The following DMXL2 variants were observed in gnomAD, a reference collection of about 807,000 sequenced individuals.
The protein encoded by DMXL2 is dmX-like protein 2.
A neutral mutation model predicts 331.1 loss-of-function variants in DMXL2; 103 were observed. The ratio of observed to expected loss-of-function variants is 0.31; its 90% CI spans 0.27 to 0.37. The LOEUF is 0.37. DMXL2 is among the 10% of genes least tolerant of loss of function. The pLI is 1.00. For missense variants in DMXL2, 3,171 were observed against 3,642.9 expected (o/e 0.87, Z 3.33); for synonymous variants, 1,281 against 1,252.1 (o/e 1.02, Z -0.49).
In DMXL2 at chr15:51,514,473, CT is replaced by C; in HGVS notation, c.2612del (p.Lys871ArgfsTer24). Reference sequence around the variant, plus strand: ...ATGGCTGAAAAAATATTTCTGTTTCCTTTTTCTCCATATCTTCCTTATGTGG... The same window carrying C: ...ATGGCTGAAAAAATATTTCTGTTTCCTTTTCTCCATATCTTCCTTATGTGG... ...YKPHKEDMEK[K>X]ETEIFFQPSQ... On this transcript the variant is annotated frameshift_variant, in exon 15 of 44. Coordinates refer to ENST00000560891, the MANE Select transcript of DMXL2 (RefSeq NM_001378457.1). LOFTEE classifies it high-confidence loss of function. The C allele has an allele frequency of 1.3e-6, 2 of 1,579,674 alleles. No individual in the cohort carries two copies. Among genetic ancestry groups the C allele is most frequent in the East Asian group, 2.3e-5 (1 of 43,398 alleles).
At chr15:51,558,978 A>G (rs1415159280) in intron 6 of DMXL2, among the ~76,000 whole-genome samples, 2 of 152,206 alleles carry the variant, frequency 1.3e-5, no homozygotes, top group Non-Finnish European at 2.9e-5. Flanking sequence ...TAAAAACATC[A>G]TACTACGAGG....
chr15:51,502,416 G>A (rs1445900227), intron 17 of DMXL2, among the ~76,000 whole-genome samples: 4 of 151,394 alleles, frequency 2.6e-5, no homozygotes, highest in Non-Finnish European at 4.4e-5. Flanking sequence ...TCCACCTCTC[G>A]AGTTCAAGCA....
chr15:51,483,296 G>A (rs1315789047), intron 23 of DMXL2, among the ~76,000 whole-genome samples: 9 of 152,158 alleles, frequency 5.9e-5, no homozygotes, highest in Non-Finnish European at 1.0e-4. Context: ...TCTGGCATGC[G>A]CACTGCTCTG....
Position 51,448,878 on chromosome 15 carries a change from CAG to C in DMXL2, c.*104_*105del, listed in dbSNP as rs2141170242. On this transcript the variant is annotated 3_prime_UTR_variant, in exon 44 of 44. Coordinates refer to ENST00000560891, the MANE Select transcript of DMXL2 (RefSeq NM_001378457.1). ...GCTTGGGTCATATTCAAATTCTACA[CAG>C]AGATTCTCTGTTTTCAATACAACTG... 1 of 1,162,348 alleles carries C rather than the reference CAG, an allele frequency of 8.6e-7. No homozygotes were observed. Among genetic ancestry groups the C allele is most frequent in the South Asian group, 1.4e-5 (1 of 69,628 alleles). 72.0% of individuals were successfully genotyped at this position (1,162,348 alleles called of 1,614,324 possible).
intron 23 of DMXL2, among the ~76,000 whole-genome samples, chr15:51,483,962 T>C (rs2042205324): frequency 1.3e-5 from 2 of 151,832 alleles, no homozygotes; most frequent in Non-Finnish European, 2.9e-5. Context: ...TGAGCAGCCT[T>C]ATGCCCACAC....
chr15:51,576,251 T>G, intron 1 of DMXL2, 70 bp from the exon 2 acceptor site: 1 of 1,139,800 alleles, frequency 8.8e-7, no homozygotes, highest in Non-Finnish European at 1.2e-6. Context: ...TATTACATAC[T>G]ATTTTATCTT....
At chr15:51,569,663 T>G (rs1567131447) in intron 2 of DMXL2, among the ~76,000 whole-genome samples, 1 of 152,184 alleles carries the variant, frequency 6.6e-6, no homozygotes, top group Non-Finnish European at 1.5e-5. Context: ...TTCCGCAGCC[T>G]CCGCTGGTGA....
chr15:51,485,762 T>C (rs907961772), intron 23 of DMXL2, among the ~76,000 whole-genome samples: 1 of 152,046 alleles, frequency 6.6e-6, no homozygotes, highest in Admixed American at 6.6e-5. Flanking sequence ...AGGCATAAAG[T>C]TTTTCCAGGC....
chr15:51,516,914 T>A (rs1452967096), intron 14 of DMXL2, among the ~76,000 whole-genome samples, 164 bp downstream of exon 14: 1 of 152,202 alleles, frequency 6.6e-6, no homozygotes, highest in Non-Finnish European at 1.5e-5. Flanking sequence ...AGGAGAAAAA[T>A]AATCCCTAAA....
chr15:51,448,235 A>G lies in DMXL2; in HGVS notation c.*749T>C, dbSNP rs1276959674. 1 of 152,694 alleles carries G rather than the reference A, an allele frequency of 6.5e-6. No individual in the cohort carries two copies. The highest frequency in any genetic ancestry group is 2.4e-5 in the African/African-American group (1 of 41,472). The allele number at this position is 152,694 out of a possible 1,614,324, so 9.5% of individuals were successfully genotyped here. A position where few individuals can be genotyped will look rare whatever the true frequency, so the allele number is the denominator to read the frequency against. On this transcript the variant is annotated 3_prime_UTR_variant, in exon 44 of 44. Transcript: ENST00000560891. ...TTTAACCTTGAATACACGAAAAGAA[A>G]AAGTACTAAACTGGACTAAGAAGGT...
Position 51,450,316 on chromosome 15 carries a change from A to C in DMXL2, c.8780T>G (p.Val2927Gly). 1 of 1,614,100 alleles carries C rather than the reference A, an allele frequency of 6.2e-7. No homozygotes were observed. Among genetic ancestry groups the C allele is most frequent in the East Asian group, 2.2e-5 (1 of 44,880 alleles). ...GFTCHDHGAT[V>G]LQYAPKQQLL... ...TTGCTGTTTGGGTGCATACTGCAGT[A>C]CCGTGGCACCATGATCGTGGCACGT... Residue 2927 changes from valine (V) to glycine (G), a missense_variant, in exon 43 of 44, where the codon GTA (valine) becomes GGA (glycine). Coordinates refer to ENST00000560891, the MANE Select transcript of DMXL2 (RefSeq NM_001378457.1).
At chr15:51,556,068 G>C (rs1454836317) in intron 6 of DMXL2, among the ~76,000 whole-genome samples, 1 of 152,184 alleles carries the variant, frequency 6.6e-6, no homozygotes, top group Admixed American at 6.5e-5. Flanking sequence ...ATCAGGCCGG[G>C]CGCGGTGGCT....
intron 27 of DMXL2, among the ~76,000 whole-genome samples, chr15:51,475,784 T>C (rs1338571814): frequency 6.6e-6 from 1 of 152,200 alleles, no homozygotes; most frequent in Non-Finnish European, 1.5e-5. Flanking sequence ...TGTGAGAATG[T>C]CTGTTTATAG....
chr15:51,550,025 T>C (rs1288339073), intron 6 of DMXL2, among the ~76,000 whole-genome samples: 2 of 152,036 alleles, frequency 1.3e-5, no homozygotes, highest in African/African-American at 4.8e-5. Context: ...CAAAAATCCA[T>C]AACAAAATAC....
At chr15:51,521,416 A>AGTAGTAGTG (rs2047357552) in intron 13 of DMXL2, among the ~76,000 whole-genome samples, 2 of 73,440 alleles carry the variant, frequency 2.7e-5, no homozygotes, top group East Asian at 5.3e-4. Context: ...AAAGTTTGCT[A>AGTAGTAGTG]GTAGTAGTAG....
chr15:51,599,663 C>A (rs531633847), intron 1 of DMXL2, among the ~76,000 whole-genome samples: 4 of 152,288 alleles, frequency 2.6e-5, no homozygotes, highest in Non-Finnish European at 4.4e-5. Flanking sequence ...ACTAATGCCT[C>A]TAATGCAATT....
intron 1 of DMXL2, among the ~76,000 whole-genome samples, chr15:51,621,849 C>A (rs1330022717): frequency 6.6e-6 from 1 of 152,124 alleles, no homozygotes; most frequent in Admixed American, 6.5e-5. Flanking sequence ...TGACTCTAAC[C>A]TTTCCATTCT....
At chr15:51,524,556 GGCA>G (rs1188082652) in intron 13 of DMXL2, among the ~76,000 whole-genome samples, 1 of 152,140 alleles carries the variant, frequency 6.6e-6, no homozygotes, top group Non-Finnish European at 1.5e-5. Context: ...CCCACACCCT[GGCA>G]GCAGCAGCGT....
chr15:51,475,763 T>C (rs532080315), intron 27 of DMXL2, among the ~76,000 whole-genome samples: 24 of 152,114 alleles, frequency 1.6e-4, no homozygotes, highest in Admixed American at 3.3e-4. Flanking sequence ...AAATGTTAAA[T>C]TGGATAATTA....
Sources: allele counts gnomAD v4.1 joint callset (sites outside exome capture counted in the v4.1 genomes callset), GRCh38; gene constraint gnomAD v4.1.1; transcripts MANE v1.5; gene names NCBI Gene and HGNC (gene_info 2026-07-23, HGNC 2026-07-21).